IGDCC4: variants seen among roughly 807,000 people sequenced by gnomAD.
IGDCC4 encodes immunoglobulin superfamily DCC subclass member 4.
IGDCC4 carries 72 observed loss-of-function variants against 116.6 expected under a neutral mutation model. That is an observed-to-expected ratio of 0.62 (90% CI 0.51 to 0.75). The LOEUF (loss-of-function observed/expected upper bound fraction) is 0.75, where lower values mean the gene tolerates loss of function less well. Ranked by LOEUF, IGDCC4 falls within the 30% of genes least tolerant of loss-of-function variation. The pLI is 0.00. For synonymous variants in IGDCC4, 709 were observed against 719.9 expected (o/e 0.98, Z 0.24); for missense variants, 1,501 against 1,662.4 (o/e 0.90, Z 1.69).
At chr15:65,403,299 T>C (rs744833) in intron 3 of IGDCC4, among the ~76,000 whole-genome samples, 4,316 of 152,238 alleles carry the variant, frequency 0.028, 213 homozygotes, top group African/African-American at 0.098. Context: ...AACAATATGT[T>C]TGGGGACATG....
Position 65,385,069 on chromosome 15 carries a change from G to GC in IGDCC4, c.3226dup (p.Ala1076GlyfsTer4), listed in dbSNP as rs1292768860. The GC allele has an allele frequency of 6.2e-7, 1 of 1,603,532 alleles. No individual in the cohort carries two copies. The highest frequency in any genetic ancestry group is 8.5e-7 in the Non-Finnish European group (1 of 1,177,346). On this transcript the variant is annotated frameshift_variant, in exon 19 of 20. Coordinates refer to ENST00000352385, the MANE Select transcript of IGDCC4 (RefSeq NM_020962.3). LOFTEE classifies it high-confidence loss of function. ...GCCTGCCTGGGGCAGCTCACAGCCT[G>GC]CCCAGGAACCAGCCCAGCTCAGCCC... is the stretch of plus-strand genomic sequence containing the variant.
At chr15:65,391,006 G>C (rs2091508964) in intron 12 of IGDCC4, among the ~76,000 whole-genome samples, 1 of 152,146 alleles carries the variant, frequency 6.6e-6, no homozygotes, top group Admixed American at 6.5e-5. Flanking sequence ...GCCAAGATGG[G>C]TGGATCACCT....
rs538607949 is a variant in IGDCC4 at position 65,389,178 on chromosome 15, C to T, written c.2536+106G>A. On this transcript the variant is annotated intron_variant, in intron 14 of 19. Coordinates refer to ENST00000352385, the MANE Select transcript of IGDCC4 (RefSeq NM_020962.3). ...TCCCCTCCCAGAAACTCTTCTGCCCCCAGCTCTGCCCAAACCTTGGGGTTC... is the reference window on the plus strand; with the variant it reads ...TCCCCTCCCAGAAACTCTTCTGCCCTCAGCTCTGCCCAAACCTTGGGGTTC... The T allele has an allele frequency of 1.0e-4, 154 of 1,494,836 alleles. 1 individual carries two copies. The Middle Eastern group carries it at 1.2e-3, about 12-fold the overall frequency. 92.6% of individuals were successfully genotyped at this position (1,494,836 alleles called of 1,614,324 possible). A position where few individuals can be genotyped will look rare whatever the true frequency, so the allele number is the denominator to read the frequency against.
intron 16 of IGDCC4, among the ~76,000 whole-genome samples, chr15:65,387,385 G>T (rs1003070169): frequency 5.9e-5 from 9 of 151,844 alleles, no homozygotes; most frequent in Admixed American, 2.0e-4. Flanking sequence ...GTCTCGCTCT[G>T]TTGCCCAGGC....
chr15:65,395,130 T>A lies in IGDCC4; in HGVS notation c.1540A>T (p.Thr514Ser). The A allele has an allele frequency of 6.2e-7, 1 of 1,613,286 alleles. No individual in the cohort carries two copies. The highest frequency in any genetic ancestry group is 8.5e-7 in the Non-Finnish European group (1 of 1,179,566). ...VAYSQLGASR[T>S]STPALVHTLD... Reference sequence around the variant, plus strand: ...GTGTGCACCAGTGCTGGGGTGGAGGTGCGGCTGGCTCCCAGCTGGGAGTAG... The same window carrying A: ...GTGTGCACCAGTGCTGGGGTGGAGGAGCGGCTGGCTCCCAGCTGGGAGTAG... Residue 514 changes from threonine to serine, a missense_variant, in exon 8 of 20, where the codon ACC becomes TCC. Transcript: ENST00000352385.
chr15:65,402,431 G>C lies in IGDCC4; in HGVS notation c.620C>G (p.Ala207Gly). The C allele has an allele frequency of 6.4e-7, 1 of 1,567,144 alleles. No homozygotes were observed. The highest frequency in any genetic ancestry group is 8.7e-7 in the Non-Finnish European group (1 of 1,155,166). The change falls in exon 4 of 20, where the codon GCA (alanine) becomes GGA (glycine). Residue 207 changes from alanine (A) to glycine (G), a missense_variant. Physicochemically the swap from Ala to Gly is moderately conservative, Grantham distance 60. Coordinates refer to ENST00000352385, the MANE Select transcript of IGDCC4 (RefSeq NM_020962.3). ...LQILDVQESD[A>G]GPYRCVATNS... ...GGTGGCCACGCAGCGGTAGGGGCCT[G>C]CATCACTCTCCTGAACATCCAGGAT...
In IGDCC4 at chr15:65,422,883, G is replaced by A; in HGVS notation, c.-21C>T. 6 of 1,054,886 alleles carry A rather than the reference G, an allele frequency of 5.7e-6. No individual in the cohort carries two copies. The highest frequency in any genetic ancestry group is 6.9e-6 in the Non-Finnish European group (6 of 874,076). 65.3% of individuals were successfully genotyped at this position (1,054,886 alleles called of 1,614,324 possible). ...GCCATGGGGCTGGGCTCGGGCCGCC[G>A]CCGCCGCCGCCGCCTCCCCGTGCTT... On this transcript the variant is annotated 5_prime_UTR_variant, in exon 1 of 20. Transcript: ENST00000352385.
At chr15:65,409,833 A>T (rs1056406992) in intron 3 of IGDCC4, among the ~76,000 whole-genome samples, 1 of 152,024 alleles carries the variant, frequency 6.6e-6, no homozygotes, top group African/African-American at 2.4e-5. Context: ...GACAACCAAC[A>T]TTCTGCCAAT....
At chr15:65,390,850 T>G (rs183674604) in intron 12 of IGDCC4, among the ~76,000 whole-genome samples, 1 of 152,228 alleles carries the variant, frequency 6.6e-6, no homozygotes, top group Non-Finnish European at 1.5e-5. Flanking sequence ...AGAACCTTAT[T>G]TGTGTTGTCC....
At chr15:65,396,216 G>GGCC in intron 6 of IGDCC4, 53 bp from the exon 7 acceptor site, 4 of 1,188,150 alleles carry the variant, frequency 3.4e-6, no homozygotes, top group Non-Finnish European at 2.1e-6. Context: ...TAAGGTCTCT[G>GGCC]CCCCCCCCCC....
At chr15:65,401,538 A>G (rs891347451) in intron 4 of IGDCC4, among the ~76,000 whole-genome samples, 4 of 151,010 alleles carry the variant, frequency 2.6e-5, no homozygotes, top group African/African-American at 7.3e-5. Context: ...GAAAGACGAC[A>G]CCAGACTGGG....
intron 18 of IGDCC4, among the ~76,000 whole-genome samples, 182 bp from the exon 19 acceptor site, chr15:65,385,297 T>C (rs922044799): frequency 2.0e-5 from 3 of 152,108 alleles, no homozygotes; most frequent in African/African-American, 7.2e-5. Flanking sequence ...AGCGGGGTAA[T>C]CTGAGGATGA....
At chr15:65,405,793 TA>T (rs1162928534) in intron 3 of IGDCC4, among the ~76,000 whole-genome samples, 5 of 152,180 alleles carry the variant, frequency 3.3e-5, no homozygotes, top group African/African-American at 1.2e-4. Context: ...TCAAATAAAA[TA>T]AAAGCTACTT....
rs1283985457 is a variant in IGDCC4 at position 65,388,451 on chromosome 15, G to A, written c.2843C>T (p.Ser948Leu). The change falls in exon 16 of 20, where the codon TCA becomes TTA. Residue 948 changes from serine (S) to leucine (L), a missense_variant and splice_region_variant. Transcript: ENST00000352385. ...CCTGGGCTGCCCTGTGCTCATACCT[G>A]ACAGCTTCTCCTGGAGCGTGATCAC... The part of the protein sequence containing the change: ...QDVITLQEKL[S>L]DSLDMHSVTG... 1 of 1,613,980 alleles carries A rather than the reference G, an allele frequency of 6.2e-7. No individual in the cohort carries two copies. Among genetic ancestry groups the A allele is most frequent in the Non-Finnish European group, 8.5e-7 (1 of 1,180,048 alleles).
chr15:65,400,738 C>T (rs2062976398), intron 5 of IGDCC4, 68 bp downstream of exon 5: 3 of 1,524,512 alleles, frequency 2.0e-6, no homozygotes, highest in Non-Finnish European at 2.7e-6. Flanking sequence ...ATCCCCCTGA[C>T]TTAGGGGCAT....
At chr15:65,400,680 G>T in intron 5 of IGDCC4, 126 bp downstream of exon 5, 2 of 1,216,380 alleles carry the variant, frequency 1.6e-6, no homozygotes, top group South Asian at 1.5e-5. Flanking sequence ...TGGGAAAGGA[G>T]TTCGTGCCAC....
At chr15:65,413,902 C>T (rs139876201) in intron 1 of IGDCC4, among the ~76,000 whole-genome samples, 1 of 152,366 alleles carries the variant, frequency 6.6e-6, no homozygotes, top group Non-Finnish European at 1.5e-5. Flanking sequence ...CCCTTCTGGG[C>T]CCCAGCTCAC....
chr15:65,392,283 A>G lies in IGDCC4; in HGVS notation c.1973T>C (p.Ile658Thr). Residue 658 changes from isoleucine (I) to threonine (T), a missense_variant, in exon 11 of 20, where the codon ATC becomes ACC. Coordinates refer to ENST00000352385, the MANE Select transcript of IGDCC4 (RefSeq NM_020962.3). The stretch of plus-strand genomic sequence containing the variant: ...CCGCCAATATAGTTTGTAGCCAGAG[A>G]TCTGGGTGGGGTGAGGGGGTGGCTG... ...SWQPPPHPTQ[I>T]SGYKLYWREV... 1 of 1,605,720 alleles carries G rather than the reference A, an allele frequency of 6.2e-7. No homozygotes were observed. The highest frequency in any genetic ancestry group is 8.5e-7 in the Non-Finnish European group (1 of 1,174,644).
At chr15:65,403,050 G>A (rs1289635199) in intron 3 of IGDCC4, among the ~76,000 whole-genome samples, 3 of 152,138 alleles carry the variant, frequency 2.0e-5, no homozygotes, top group African/African-American at 7.2e-5. Context: ...AAAACTTCTA[G>A]GGCTCTATCC....
Sources: allele counts gnomAD v4.1 joint callset (sites outside exome capture counted in the v4.1 genomes callset), GRCh38; gene constraint gnomAD v4.1.1; transcripts MANE v1.5; gene names NCBI Gene and HGNC (gene_info 2026-07-23, HGNC 2026-07-21).